The following RIPPLY2 variants were observed in gnomAD, a reference collection of about 807,000 sequenced individuals.
RIPPLY2 encodes ripply transcriptional repressor 2.
In RIPPLY2, 20 loss-of-function variants were observed where a neutral mutation model predicts 17.7. That is an observed-to-expected ratio of 1.13 (90% CI 0.79 to 1.64). The LOEUF is 1.64. Ranked by LOEUF, RIPPLY2 falls within the 40% of genes most tolerant of loss-of-function variation. The probability of loss-of-function intolerance (pLI) is 0.00; values close to 1 mark genes in which losing one functional copy is unlikely to be tolerated. For missense variants in RIPPLY2, 213 were observed against 169.8 expected, an observed-to-expected ratio of 1.25 and a Z score of -1.41; for synonymous variants, 69 against 63.9, an observed-to-expected ratio of 1.08 and a Z score of -0.38.
intron 1 of RIPPLY2, 42 bp from the exon 2 acceptor site, chr6:83,853,653 C>T: frequency 6.3e-7 from 1 of 1,597,068 alleles, no homozygotes; most frequent in Non-Finnish European, 8.5e-7. Context: ...CGGGTCTGGG[C>T]TCACGTCTCC....
chr6:83,853,245 A>ACG, upstream of RIPPLY2: 1 of 584,402 alleles, frequency 1.7e-6, no homozygotes, highest in Non-Finnish European at 2.9e-6. Context: ...GTGCGCCTTC[A>ACG]CGCGCAGCCT....
In RIPPLY2 at chr6:83,857,303, A is replaced by G. The variant is rs1301910213; in HGVS notation, c.301A>G (p.Lys101Glu). 1 of 1,577,192 alleles carries G rather than the reference A, an allele frequency of 6.3e-7. No individual in the cohort carries two copies. The highest frequency in any genetic ancestry group is 8.6e-7 in the Non-Finnish European group (1 of 1,165,832). ...ATATCAAGAAGCAGAAGCTCTTCTG[A>G]AAAATTTTCCAATTCAAGCCACAAT... ...YLYQEAEALL[K>E]NFPIQATISF... The change falls in exon 4 of 4, where the codon AAA becomes GAA. Residue 101 changes from lysine to glutamate, a missense_variant. Transcript: ENST00000369689.
At position 83,857,358 on chromosome 6, in the gene RIPPLY2, A is replaced by G; in HGVS notation, c.356A>G (p.Asp119Gly). ...TTTTATGAAGATTCTGATAGCGAAG[A>G]TGAAATTGAGGATCTGACCTGTGAA... Reference protein sequence around the residue: ...ISFYEDSDSEDEIEDLTCEN With the variant: ...ISFYEDSDSEGEIEDLTCEN The change falls in exon 4 of 4, where the codon GAT becomes GGT. Residue 119 changes from aspartate (D) to glycine (G), a missense_variant. Coordinates refer to ENST00000369689, the MANE Select transcript of RIPPLY2 (RefSeq NM_001009994.3). 6.3e-7 allele frequency: 1 copy of G among 1,585,344 alleles called. No individual in the cohort carries two copies. The highest frequency in any genetic ancestry group is 8.5e-7 in the Non-Finnish European group (1 of 1,171,154).
intron 1 of RIPPLY2, 21 bp from the exon 2 acceptor site, chr6:83,853,674 T>G (rs748069636): frequency 1.2e-5 from 20 of 1,608,872 alleles, no homozygotes; most frequent in Non-Finnish European, 1.7e-5. Context: ...TCTGCGCGCC[T>G]TGTGCTCCCC....
chr6:83,853,498 G>A lies in RIPPLY2; in HGVS notation c.82G>A (p.Gly28Ser), dbSNP rs1460654852. Residue 28 changes from glycine (G) to serine (S), a missense_variant, in exon 1 of 4, where the codon GGC becomes AGC. Physicochemically the swap from Gly to Ser is moderately conservative, Grantham distance 56. Coordinates refer to ENST00000369689, the MANE Select transcript of RIPPLY2 (RefSeq NM_001009994.3). ...CACCGACGGCCCTACGCGGCGCGCG[G>A]GCGCGGACTCCGGGTAGGCTTCCCC... ...AATDGPTRRA[G>S]ADSGYAGFWR... 3.2e-6 allele frequency: 5 copies of A among 1,538,870 alleles called. No individual in the cohort carries two copies. The highest frequency in any genetic ancestry group is 4.5e-4 in the Middle Eastern group (2 of 4,486).
At position 83,853,741 on chromosome 6, in the gene RIPPLY2, G is replaced by A. The variant is rs756054208; in HGVS notation, c.142G>A (p.Glu48Lys). ...CTGGGTGGACGCCGGAGGCAAGAAA[G>A]AAGAGGAGACGCCGAACCACGCCGC... ...RPWVDAGGKK[E>K]EETPNHAAEA... Residue 48 changes from glutamate to lysine, a missense_variant, in exon 2 of 4, where the codon GAA becomes AAA. Transcript: ENST00000369689. The A allele has an allele frequency of 2.5e-6, 4 of 1,613,540 alleles. No individual in the cohort carries two copies. The highest frequency in any genetic ancestry group is 3.4e-6 in the Non-Finnish European group (4 of 1,179,952).
chr6:83,856,705 A>G (rs756602502), intron 3 of RIPPLY2: 24 of 152,176 alleles, frequency 1.6e-4, no homozygotes, highest in Non-Finnish European at 2.1e-4. Flanking sequence ...ATTTTAAAAT[A>G]CTGGTTTTTA....
At chr6:83,854,259 T>A (rs2099454651) in intron 3 of RIPPLY2, 98 bp downstream of exon 3, 5 of 882,850 alleles carry the variant, frequency 5.7e-6, no homozygotes, top group Non-Finnish European at 9.4e-6. Flanking sequence ...TCCTGCAGTC[T>A]CTCTCTCTCT....
chr6:83,853,440 G>A lies in RIPPLY2; in HGVS notation c.24G>A (p.Glu8=). The A allele has an allele frequency of 6.5e-7, 1 of 1,544,088 alleles. No individual in the cohort carries two copies. Among genetic ancestry groups the A allele is most frequent in the Non-Finnish European group, 8.7e-7 (1 of 1,146,550 alleles). The change falls in exon 1 of 4, where the codon GAG becomes GAA. Residue 8 remains glutamate, a synonymous_variant. Transcript: ENST00000369689. MENAGGA[E]GTESGAAACA... is the part of the protein sequence containing the mutation. Reference sequence around the variant, plus strand: ...TCATGGAGAACGCGGGAGGCGCAGAGGGTACAGAGAGTGGAGCTGCGGCGT... The same window carrying A: ...TCATGGAGAACGCGGGAGGCGCAGAAGGTACAGAGAGTGGAGCTGCGGCGT...
chr6:83,853,397 C>A lies in RIPPLY2; in HGVS notation c.-20C>A. The A allele has an allele frequency of 6.5e-7, 1 of 1,538,612 alleles. No homozygotes were observed. The highest frequency in any genetic ancestry group is 8.7e-7 in the Non-Finnish European group (1 of 1,143,978). ...TTGCCCGCGAGCTGGCAGCGGCCTT[C>A]CGCCCAGCTCTGCGGCGTCATGGAG... On this transcript the variant is annotated 5_prime_UTR_variant, in exon 1 of 4. Coordinates refer to ENST00000369689, the MANE Select transcript of RIPPLY2 (RefSeq NM_001009994.3).
chr6:83,854,599 G>C, intron 3 of RIPPLY2: 1 of 166,678 alleles, frequency 6.0e-6, no homozygotes, highest in Non-Finnish European at 1.3e-5. Context: ...GGAAAAAATA[G>C]AAATGTAATG....
intron 3 of RIPPLY2, 83 bp from the exon 4 acceptor site, chr6:83,857,159 A>G: frequency 3.5e-6 from 3 of 864,824 alleles, no homozygotes; most frequent in Non-Finnish European, 5.1e-6. Context: ...TGTTAAATAT[A>G]TGGAGCTCTT....
Position 83,853,512 on chromosome 6 carries a change from G to A in RIPPLY2, c.95+1G>A. ...CGCGGCGCGCGGGCGCGGACTCCGG[G>A]TAGGCTTCCCCGCGCTGCTCTGCGC... On this transcript the variant is annotated splice_donor_variant, in intron 1 of 3. Transcript: ENST00000369689. LOFTEE classifies it high-confidence loss of function. 4 of 1,538,458 alleles carry A rather than the reference G, an allele frequency of 2.6e-6. No homozygotes were observed. Among genetic ancestry groups the A allele is most frequent in the East Asian group, 2.4e-5 (1 of 40,822 alleles).
chr6:83,853,709 G>C lies in RIPPLY2; in HGVS notation c.110G>C (p.Trp37Ser). ...CTATCCCGCAGATACGCAGGCTTCT[G>C]GAGACCCTGGGTGGACGCCGGAGGC... ...AGADSGYAGF[W>S]RPWVDAGGKK... is the part of the protein sequence containing the mutation. The change falls in exon 2 of 4, where the codon TGG becomes TCG. Residue 37 changes from tryptophan (W) to serine (S), a missense_variant. Physicochemically the swap from Trp to Ser is radical, Grantham distance 177 (BLOSUM62 -3). Transcript: ENST00000369689. 1 of 1,613,792 alleles carries C rather than the reference G, an allele frequency of 6.2e-7. No individual in the cohort carries two copies. The highest frequency in any genetic ancestry group is 1.1e-5 in the South Asian group (1 of 91,018).
At position 83,854,373 on chromosome 6, in the gene RIPPLY2, C is replaced by T. The variant is rs551076403; in HGVS notation, c.239+212C>T. 5.5e-5 allele frequency: 32 copies of T among 586,366 alleles called. No individual in the cohort carries two copies. In the Admixed American group the frequency reaches 5.9e-4, roughly 11 times the overall value. 36.3% of individuals were successfully genotyped at this position (586,366 alleles called of 1,614,324 possible). On this transcript the variant is annotated intron_variant, in intron 3 of 3. Coordinates refer to ENST00000369689, the MANE Select transcript of RIPPLY2 (RefSeq NM_001009994.3). Reference sequence around the variant, plus strand: ...AAGGGACTGTTGATGAATACATACTCAGTGAACTTGATGAATATATTACGA... The same window carrying T: ...AAGGGACTGTTGATGAATACATACTTAGTGAACTTGATGAATATATTACGA...
Position 83,853,639 on chromosome 6 carries a change from C to T in RIPPLY2, c.96-56C>T, listed in dbSNP as rs1588552868. ...TGCCAGCGCTCGGCTTCGGTGGATT[C>T]TCCCGGGTCTGGGCTCACGTCTCCT... On this transcript the variant is annotated intron_variant, in intron 1 of 3. Coordinates refer to ENST00000369689, the MANE Select transcript of RIPPLY2 (RefSeq NM_001009994.3). 3.2e-6 allele frequency: 5 copies of T among 1,582,226 alleles called. No homozygotes were observed. The East Asian group carries it at 6.8e-5, about 21-fold the overall frequency.
At chr6:83,853,338 G>C, upstream of RIPPLY2, 1 of 1,189,944 alleles carries the variant, frequency 8.4e-7, no homozygotes, top group Non-Finnish European at 1.2e-6. Context: ...GCTATATAAA[G>C]CTCGGGTCTC....
intron 3 of RIPPLY2, 84 bp downstream of exon 3, chr6:83,854,245 C>CT: frequency 9.2e-7 from 1 of 1,083,684 alleles, no homozygotes; most frequent in Non-Finnish European, 1.4e-6. Context: ...AGCTCCGCAG[C>CT]TGGTCCTGCA....
At chr6:83,853,654 T>C in intron 1 of RIPPLY2, 41 bp from the exon 2 acceptor site, 1 of 1,598,236 alleles carries the variant, frequency 6.3e-7, no homozygotes, top group Non-Finnish European at 8.5e-7. Context: ...GGGTCTGGGC[T>C]CACGTCTCCT....
Sources: gnomAD v4.1 joint callset for allele counts on GRCh38, gnomAD v4.1.1 for gene constraint, MANE v1.5 for transcripts, NCBI Gene and HGNC (gene_info 2026-07-23, HGNC 2026-07-21) for gene names.